The following LYRM4 variants were observed in gnomAD, a reference collection of about 807,000 sequenced individuals.
LYRM4 encodes the protein LYR motif containing 4.
LYRM4 carries 9 observed loss-of-function variants against 11.7 expected under a neutral mutation model. The ratio of observed to expected loss-of-function variants is 0.77; its 90% confidence interval spans 0.46 to 1.34. The LOEUF is 1.34. Among genes scored for constraint, LYRM4 ranks in the 40% most tolerant of loss-of-function variants. The pLI is 0.00. For missense variants in LYRM4, 133 were observed against 112.5 expected (o/e 1.18, Z -0.82); for synonymous variants, 42 against 40.4 (o/e 1.04, Z -0.15).
chr6:5,127,276 G>T (rs570276151), intron 2 of LYRM4, among the ~76,000 whole-genome samples: 1 of 152,038 alleles, frequency 6.6e-6, no homozygotes, highest in East Asian at 1.9e-4. Flanking sequence ...GTTGAGACAG[G>T]GTTTCATCAT....
intron 1 of LYRM4, among the ~76,000 whole-genome samples, chr6:5,229,040 T>C (rs930162165): frequency 3.6e-5 from 5 of 137,644 alleles, no homozygotes; most frequent in South Asian, 2.4e-4. Flanking sequence ...TATTTCCTAA[T>C]AGCCCAGAAA....
At chr6:5,211,686 C>T (rs1198405974) in intron 2 of LYRM4, among the ~76,000 whole-genome samples, 1 of 152,132 alleles carries the variant, frequency 6.6e-6, no homozygotes. Flanking sequence ...AAACAGTGAC[C>T]CCTGAAAAGC....
intron 1 of LYRM4, among the ~76,000 whole-genome samples, chr6:5,219,705 C>CA: frequency 6.9e-6 from 1 of 145,048 alleles, no homozygotes; most frequent in East Asian, 2.0e-4. Context: ...TTATCATTTG[C>CA]TTTTTTTTTT....
chr6:5,185,821 C>G (rs1275517423), intron 2 of LYRM4, among the ~76,000 whole-genome samples: 4 of 152,028 alleles, frequency 2.6e-5, no homozygotes, highest in Non-Finnish European at 5.9e-5. Flanking sequence ...GATGTGATCA[C>G]AGGGAAAGAG....
intron 2 of LYRM4, among the ~76,000 whole-genome samples, chr6:5,168,164 G>A (rs1298616281): frequency 1.3e-5 from 2 of 151,318 alleles, no homozygotes; most frequent in South Asian, 2.1e-4. Context: ...GAAAGAAGAA[G>A]CTCTTCTTTA....
chr6:5,038,305 G>T, the LYRM4 span, among the ~76,000 whole-genome samples: 5 of 59,568 alleles, frequency 8.4e-5, 2 homozygotes, highest in Admixed American at 2.3e-4. Context: ...GGGCAGAGAT[G>T]CTCCTCACTT....
chr6:5,249,956 A>G (rs973562921), intron 1 of LYRM4, among the ~76,000 whole-genome samples: 9 of 152,192 alleles, frequency 5.9e-5, no homozygotes, highest in African/African-American at 2.2e-4. Flanking sequence ...ATTAAGAGGT[A>G]ATTTTCTATT....
intron 2 of LYRM4, among the ~76,000 whole-genome samples, chr6:5,156,814 A>G (rs1758439942): frequency 6.6e-6 from 1 of 152,182 alleles, no homozygotes; most frequent in Admixed American, 6.5e-5. Flanking sequence ...GAGAATCTGT[A>G]CTGCAAGGCA....
At chr6:5,228,192 A>T (rs1763008323) in intron 1 of LYRM4, among the ~76,000 whole-genome samples, 1 of 152,254 alleles carries the variant, frequency 6.6e-6, no homozygotes, top group Admixed American at 6.5e-5. Flanking sequence ...CAATGTAGTA[A>T]ATATGGCAGA....
intron 1 of LYRM4, among the ~76,000 whole-genome samples, chr6:5,245,985 A>C (rs563173742): frequency 5.3e-4 from 80 of 152,344 alleles, no homozygotes; most frequent in Admixed American, 1.4e-3. Flanking sequence ...ACTTTATCCC[A>C]AAAACAATAA....
intron 2 of LYRM4, among the ~76,000 whole-genome samples, chr6:5,182,853 T>G (rs1289244177): frequency 6.6e-6 from 1 of 152,182 alleles, no homozygotes; most frequent in African/African-American, 2.4e-5. Flanking sequence ...AATGCATCAG[T>G]TTTGAAGGAG....
intron 1 of LYRM4, among the ~76,000 whole-genome samples, chr6:5,259,194 T>TA (rs1358352833): frequency 2.0e-5 from 3 of 152,250 alleles, no homozygotes; most frequent in African/African-American, 7.2e-5. Context: ...AGTCCTTGTG[T>TA]ATCCTGAGTA....
rs149515497 is a variant in LYRM4, at chr6:5,177,523, T to C, written c.207+39095A>G. Reference sequence around the variant, plus strand: ...GATCATTCAGGTGACCATTGTTGAATTGACCTCTAGACCCAGTCTCCCACG... The same window carrying C: ...GATCATTCAGGTGACCATTGTTGAACTGACCTCTAGACCCAGTCTCCCACG... On this transcript the variant is annotated intron_variant, in intron 2 of 2. Transcript: ENST00000330636. Among the ~76,000 whole-genome samples, 90 of 152,352 alleles carry C rather than the reference T, an allele frequency of 5.9e-4. 1 individual carries two copies. Among genetic ancestry groups the C allele is most frequent in the African/African-American group, 2.1e-3 (89 of 41,582 alleles).
chr6:5,160,341 G>A (rs1053505735), intron 2 of LYRM4, among the ~76,000 whole-genome samples: 1 of 151,998 alleles, frequency 6.6e-6, no homozygotes, highest in Admixed American at 6.6e-5. Context: ...CATCAGGCAT[G>A]GGTCTCAACC....
chr6:5,146,214 T>G (rs753860166), intron 2 of LYRM4, among the ~76,000 whole-genome samples: 6 of 152,172 alleles, frequency 3.9e-5, no homozygotes, highest in Non-Finnish European at 5.9e-5. Flanking sequence ...TATTCAGTCC[T>G]AGCAAATGAA....
At chr6:5,229,299 C>T (rs560378915) in intron 1 of LYRM4, among the ~76,000 whole-genome samples, 3 of 152,190 alleles carry the variant, frequency 2.0e-5, no homozygotes, top group South Asian at 4.1e-4. Flanking sequence ...CAGAACTTGC[C>T]AAGCAAATGA....
At chr6:5,086,232 C>G in the LYRM4 span, 2 of 1,535,500 alleles carry the variant, frequency 1.3e-6, no homozygotes, top group Non-Finnish European at 1.7e-6. Flanking sequence ...GGGCCGTGAC[C>G]GTGCGCTACA....
At chr6:5,191,422 G>A (rs1014641680) in intron 2 of LYRM4, among the ~76,000 whole-genome samples, 2 of 152,142 alleles carry the variant, frequency 1.3e-5, no homozygotes, top group African/African-American at 2.4e-5. Flanking sequence ...AGAGCTACGC[G>A]CCATTCTGAG....
At chr6:5,191,563 T>G (rs1405861382) in intron 2 of LYRM4, among the ~76,000 whole-genome samples, 1 of 152,216 alleles carries the variant, frequency 6.6e-6, no homozygotes, top group Non-Finnish European at 1.5e-5. Flanking sequence ...TTTACCTGTC[T>G]GTAATTTAGG....
Sources: allele counts gnomAD v4.1 joint callset (sites outside exome capture counted in the v4.1 genomes callset), GRCh38; gene constraint gnomAD v4.1.1; transcripts MANE v1.5; gene names NCBI Gene and HGNC (gene_info 2026-07-23, HGNC 2026-07-21).